Variants in RSRC1 observed in about 807,000 individuals in gnomAD.
RSRC1 encodes serine/Arginine-related protein 53.
Under a neutral mutation model 49.1 loss-of-function variants are expected in RSRC1, and 39 were observed. The ratio of observed to expected loss-of-function variants is 0.79; its 90% CI spans 0.61 to 1.04. The LOEUF (loss-of-function observed/expected upper bound fraction) is 1.04. Ranked by LOEUF, RSRC1 falls within the 50% of genes least tolerant of loss-of-function variation. RSRC1 has a pLI of 0.00. For synonymous variants in RSRC1, 143 were observed against 130.8 expected (o/e 1.09, Z -0.63); for missense variants, 388 against 402.4 (o/e 0.96, Z 0.31).
intron 4 of RSRC1, among the ~76,000 whole-genome samples, chr3:158,224,490 A>G (rs1362851342): frequency 6.6e-6 from 1 of 151,842 alleles, no homozygotes; most frequent in Non-Finnish European, 1.5e-5. Context: ...TAACGGTAGC[A>G]CTTGAGTACT....
chr3:158,414,665 T>C (rs551797057), intron 6 of RSRC1, among the ~76,000 whole-genome samples: 37 of 152,052 alleles, frequency 2.4e-4, no homozygotes, highest in African/African-American at 8.7e-4. Context: ...GAGATTGCAA[T>C]GAGCTATGAT....
At chr3:158,387,002 A>C (rs367545978) in intron 6 of RSRC1, among the ~76,000 whole-genome samples, 4 of 152,190 alleles carry the variant, frequency 2.6e-5, no homozygotes. Context: ...TTCTTGTTTT[A>C]TATAACAAAA....
chr3:158,198,232 TTACCATTATG>T (rs1720766701), intron 3 of RSRC1, among the ~76,000 whole-genome samples: 1 of 152,174 alleles, frequency 6.6e-6, no homozygotes, highest in Non-Finnish European at 1.5e-5. Flanking sequence ...ATTGATCCCT[TTACCATTATG>T]TAATGGCCTT....
chr3:158,531,959 T>C (rs1339379434), intron 7 of RSRC1, among the ~76,000 whole-genome samples: 3 of 151,804 alleles, frequency 2.0e-5, no homozygotes, highest in African/African-American at 7.3e-5. Context: ...GTTGTTCTTG[T>C]AAAGCACTTA....
At chr3:158,499,212 C>T (rs2108458092) in intron 7 of RSRC1, among the ~76,000 whole-genome samples, 1 of 152,132 alleles carries the variant, frequency 6.6e-6, no homozygotes, top group South Asian at 2.1e-4. Context: ...CCTGTCTCTA[C>T]TAAAAATACA....
intron 1 of RSRC1, among the ~76,000 whole-genome samples, chr3:158,118,191 C>T (rs938909125): frequency 6.6e-6 from 1 of 152,136 alleles, no homozygotes; most frequent in African/African-American, 2.4e-5. Flanking sequence ...CTCAAGTGAT[C>T]TGTTTGCCTT....
intron 7 of RSRC1, among the ~76,000 whole-genome samples, chr3:158,499,000 G>A (rs148637630): frequency 3.5e-4 from 53 of 152,256 alleles, no homozygotes; most frequent in African/African-American, 1.2e-3. Flanking sequence ...AAATCAGGCC[G>A]TGTGATGCTT....
At chr3:158,129,471 TG>T (rs1249751239) in intron 3 of RSRC1, among the ~76,000 whole-genome samples, 1 of 151,754 alleles carries the variant, frequency 6.6e-6, no homozygotes, top group African/African-American at 2.4e-5. Context: ...TTGTAATTTT[TG>T]GAGAGATGGG....
intron 7 of RSRC1, among the ~76,000 whole-genome samples, chr3:158,483,749 C>T (rs1236839793): frequency 6.6e-6 from 1 of 152,026 alleles, no homozygotes; most frequent in Non-Finnish European, 1.5e-5. Flanking sequence ...ATTTTATTCT[C>T]AAGAATATAT....
At chr3:158,301,529 G>A (rs1727548650) in intron 5 of RSRC1, among the ~76,000 whole-genome samples, 1 of 152,038 alleles carries the variant, frequency 6.6e-6, no homozygotes, top group African/African-American at 2.4e-5. Context: ...TTTCAAGATG[G>A]CTTCTGGGTT....
chr3:158,215,181 C>A (rs946397579), intron 4 of RSRC1, among the ~76,000 whole-genome samples: 1 of 151,474 alleles, frequency 6.6e-6, no homozygotes, highest in African/African-American at 2.4e-5. Context: ...ATTAATATAG[C>A]TATTCTTGAT....
At chr3:158,294,038 C>G (rs1416764679) in intron 4 of RSRC1, among the ~76,000 whole-genome samples, 1 of 152,014 alleles carries the variant, frequency 6.6e-6, no homozygotes, top group East Asian at 1.9e-4. Context: ...ACTCTATGTG[C>G]CCTTTGAACC....
At chr3:158,327,792 A>G (rs1301995928) in intron 5 of RSRC1, among the ~76,000 whole-genome samples, 1 of 151,888 alleles carries the variant, frequency 6.6e-6, no homozygotes, top group African/African-American at 2.4e-5. Context: ...ATCCTTGTTA[A>G]CTTTCTGTCT....
intron 6 of RSRC1, among the ~76,000 whole-genome samples, chr3:158,425,821 A>T (rs1231366062): frequency 6.6e-6 from 1 of 151,796 alleles, no homozygotes; most frequent in African/African-American, 2.4e-5. Context: ...TTTAATTTTA[A>T]AAATTCATAT....
At chr3:158,115,696 G>A (rs190983584) in intron 1 of RSRC1, among the ~76,000 whole-genome samples, 10 of 152,186 alleles carry the variant, frequency 6.6e-5, no homozygotes, top group African/African-American at 2.4e-4. Flanking sequence ...AATCTCTAAT[G>A]TCTGGTTTAA....
intron 5 of RSRC1, among the ~76,000 whole-genome samples, chr3:158,352,638 T>C (rs1730939636): frequency 1.3e-5 from 2 of 152,188 alleles, no homozygotes; most frequent in Non-Finnish European, 2.9e-5. Context: ...TGCTTGAATC[T>C]GGCCCGTAAA....
intron 7 of RSRC1, among the ~76,000 whole-genome samples, chr3:158,487,458 G>A (rs539947968): frequency 6.6e-6 from 1 of 152,060 alleles, no homozygotes; most frequent in South Asian, 2.1e-4. Context: ...ATCACTGTTC[G>A]CCGGATAGCA....
intron 7 of RSRC1, among the ~76,000 whole-genome samples, chr3:158,510,568 T>C (rs1388838517): frequency 1.3e-5 from 2 of 152,320 alleles, no homozygotes; most frequent in Non-Finnish European, 1.5e-5. Flanking sequence ...CATGAAATGT[T>C]CTGATACAGG....
intron 7 of RSRC1, among the ~76,000 whole-genome samples, chr3:158,473,402 C>T (rs1245016256): frequency 6.6e-6 from 1 of 152,064 alleles, no homozygotes; most frequent in Non-Finnish European, 1.5e-5. Flanking sequence ...TCTCAGCAAA[C>T]TATCGCAAGG....
Sources: allele counts gnomAD v4.1 joint callset (sites outside exome capture counted in the v4.1 genomes callset), GRCh38; gene constraint gnomAD v4.1.1; transcripts MANE v1.5; gene names NCBI Gene and HGNC (gene_info 2026-07-23, HGNC 2026-07-21).